The following INSC variants were observed in gnomAD, a reference collection of about 807,000 sequenced individuals.
The protein encoded by INSC is protein inscuteable homolog.
In INSC, 67 loss-of-function variants were observed where a neutral mutation model predicts 58.6. The observed-to-expected ratio is 1.14, with a 90% CI of 0.94 to 1.40. The LOEUF (loss-of-function observed/expected upper bound fraction) is 1.40, where lower values mean the gene tolerates loss of function less well. INSC is among the 40% of genes most tolerant of loss of function. The pLI, the probability that INSC is intolerant of heterozygous loss-of-function variation, is 0.00. For missense variants in INSC, 714 were observed against 692.0 expected (o/e 1.03, Z -0.36); for synonymous variants, 262 against 276.1 (o/e 0.95, Z 0.51).
the INSC span, among the ~76,000 whole-genome samples, chr11:15,266,344 A>G: frequency 1.3e-5 from 2 of 151,982 alleles, no homozygotes; most frequent in African/African-American, 2.4e-5. Context: ...ATGTCTTAGG[A>G]ACTGCATTGG....
At chr11:15,116,280 G>A (rs1301062178) in intron 1 of INSC, among the ~76,000 whole-genome samples, 1 of 152,248 alleles carries the variant, frequency 6.6e-6, no homozygotes, top group African/African-American at 2.4e-5. Context: ...ACTTGCTGCA[G>A]AGAAGCAGTG....
chr11:15,145,583 T>C (rs1848472299), intron 1 of INSC, among the ~76,000 whole-genome samples: 1 of 152,148 alleles, frequency 6.6e-6, no homozygotes. Flanking sequence ...ACAGGTCTCT[T>C]TGCAGCTTTA....
At chr11:15,252,158 C>A (rs1007538900), downstream of INSC, among the ~76,000 whole-genome samples, 1 of 152,032 alleles carries the variant, frequency 6.6e-6, no homozygotes, top group Middle Eastern at 3.2e-3. Context: ...TCCAAATATA[C>A]GAGATGTACA....
At chr11:15,161,237 T>G (rs192905506) in intron 2 of INSC, among the ~76,000 whole-genome samples, 1 of 152,310 alleles carries the variant, frequency 6.6e-6, no homozygotes, top group Admixed American at 6.5e-5. Context: ...GGTGGGTTGG[T>G]GGGTCTCATT....
chr11:15,203,260 C>T (rs1850665839), intron 7 of INSC, among the ~76,000 whole-genome samples: 2 of 152,216 alleles, frequency 1.3e-5, no homozygotes, highest in Non-Finnish European at 2.9e-5. Flanking sequence ...TAATCCCAGA[C>T]CACCTTGCTA....
intron 1 of INSC, among the ~76,000 whole-genome samples, chr11:15,130,129 G>T (rs1180764916): frequency 6.6e-6 from 1 of 152,210 alleles, no homozygotes; most frequent in Non-Finnish European, 1.5e-5. Context: ...ATAATGAGAA[G>T]AAATTGTTGA....
At position 15,175,890 on chromosome 11, in the gene INSC, G is replaced by A. The variant is rs1197981643; in HGVS notation, c.206G>A (p.Gly69Asp). ...QGDLILAGGP[G>D]PGDPLQLLLK... ...GACCTCATCCTGGCAGGTGGCCCTGGCCCTGGAGACCCCCTGCAGCTGCTG... is the reference window on the plus strand; with the variant it reads ...GACCTCATCCTGGCAGGTGGCCCTGACCCTGGAGACCCCCTGCAGCTGCTG... Residue 69 changes from glycine (G) to aspartate (D), a missense_variant, in exon 3 of 13, where the codon GGC becomes GAC. By Grantham distance (94) the Gly-to-Asp change is moderately conservative. Coordinates refer to ENST00000379556, the MANE Select transcript of INSC (RefSeq NM_001042536.3). 4 of 1,614,102 alleles carry A rather than the reference G, an allele frequency of 2.5e-6. No individual in the cohort carries two copies. The South Asian group carries it at 3.3e-5, about 13-fold the overall frequency.
chr11:15,227,729 A>G (rs1464254193), intron 9 of INSC, among the ~76,000 whole-genome samples: 1 of 152,172 alleles, frequency 6.6e-6, no homozygotes, highest in Non-Finnish European at 1.5e-5. Flanking sequence ...TTGGTAGTAG[A>G]GAGGGAGACA....
chr11:15,252,196 G>A (rs967291414), downstream of INSC, among the ~76,000 whole-genome samples: 1 of 152,172 alleles, frequency 6.6e-6, no homozygotes, highest in Non-Finnish European at 1.5e-5. Context: ...TGAATAGGCA[G>A]TCGATTAGTT....
intron 2 of INSC, among the ~76,000 whole-genome samples, chr11:15,173,123 GA>G (rs1849456982): frequency 6.6e-6 from 1 of 152,192 alleles, no homozygotes; most frequent in Non-Finnish European, 1.5e-5. Flanking sequence ...GAATGCCCAG[GA>G]ATGGGAAAAT....
chr11:15,206,448 G>A (rs949657122), intron 7 of INSC, among the ~76,000 whole-genome samples: 7 of 152,174 alleles, frequency 4.6e-5, no homozygotes, highest in African/African-American at 1.4e-4. Flanking sequence ...GTCTTCCAGG[G>A]TCTTTGTGTT....
intron 9 of INSC, 139 bp from the exon 10 acceptor site, chr11:15,235,463 G>A (rs181323039): frequency 2.1e-5 from 15 of 727,336 alleles, no homozygotes; most frequent in Middle Eastern, 2.6e-4. Context: ...AGAAAATGCC[G>A]TGGAAGGATA....
intron 9 of INSC, among the ~76,000 whole-genome samples, chr11:15,231,598 C>T (rs139707259): frequency 6.6e-6 from 1 of 152,310 alleles, no homozygotes; most frequent in East Asian, 1.9e-4. Flanking sequence ...TCAGAGTTAA[C>T]ACGGTGATAA....
the INSC span, among the ~76,000 whole-genome samples, chr11:15,267,323 T>G: frequency 2.6e-5 from 4 of 152,026 alleles, no homozygotes; most frequent in Non-Finnish European, 5.9e-5. Context: ...ATGCTCTATG[T>G]ATTTCTGATT....
intron 2 of INSC, among the ~76,000 whole-genome samples, chr11:15,165,295 A>G (rs1590385275): frequency 6.6e-6 from 1 of 152,224 alleles, no homozygotes; most frequent in South Asian, 2.1e-4. Flanking sequence ...GTTTGATGAT[A>G]CACAGGCTTT....
Position 15,246,196 on chromosome 11 carries a change from C to A in INSC, c.*156C>A. On this transcript the variant is annotated 3_prime_UTR_variant, in exon 13 of 13. Transcript: ENST00000379556. ...AATGGAGGACAAAATCTTAGAGCAA[C>A]ATCATCAAACAGTCTTTGGTCCTTG... 2 of 656,154 alleles carry A rather than the reference C, an allele frequency of 3.0e-6. No homozygotes were observed. Among genetic ancestry groups the A allele is most frequent in the Non-Finnish European group, 4.9e-6 (2 of 408,462 alleles). The allele number at this position is 656,154 out of a possible 1,614,324, so 40.6% of individuals were successfully genotyped here.
chr11:15,255,474 C>T, the INSC span, among the ~76,000 whole-genome samples: 1 of 152,138 alleles, frequency 6.6e-6, no homozygotes, highest in Non-Finnish European at 1.5e-5. Context: ...CAGAGTAAAG[C>T]ATCAAAGACA....
intron 2 of INSC, among the ~76,000 whole-genome samples, chr11:15,152,762 T>G (rs1848694072): frequency 6.6e-6 from 1 of 152,210 alleles, no homozygotes; most frequent in Non-Finnish European, 1.5e-5. Flanking sequence ...GCCTGAAAGC[T>G]GAAGGCTGTT....
chr11:15,250,113 C>T (rs964049060), downstream of INSC, among the ~76,000 whole-genome samples: 1 of 152,156 alleles, frequency 6.6e-6, no homozygotes, highest in Non-Finnish European at 1.5e-5. Context: ...TATACTGTGT[C>T]TAGATGGGGA....
Sources: gnomAD v4.1 joint callset for allele counts (sites outside exome capture counted in the v4.1 genomes callset) on GRCh38, gnomAD v4.1.1 for gene constraint, MANE v1.5 for transcripts, NCBI Gene and HGNC (gene_info 2026-07-23, HGNC 2026-07-21) for gene names.